Variants in IRAK1BP1 observed in about 807,000 individuals in gnomAD.
IRAK1BP1 encodes the protein interleukin-1 receptor-associated kinase 1-binding protein 1.
A neutral mutation model predicts 28.0 loss-of-function variants in IRAK1BP1; 24 were observed. The ratio of observed to expected loss-of-function variants is 0.86; its 90% CI spans 0.62 to 1.20. The LOEUF (loss-of-function observed/expected upper bound fraction) is 1.20, where lower values mean the gene tolerates loss of function less well. IRAK1BP1 is among the 50% of genes most tolerant of loss of function. IRAK1BP1 has a pLI of 0.00. For missense variants in IRAK1BP1, 336 were observed against 316.7 expected (o/e 1.06, Z -0.46); for synonymous variants, 131 against 116.3 (o/e 1.13, Z -0.81).
the IRAK1BP1 span, among the ~76,000 whole-genome samples, chr6:78,961,999 G>A: frequency 1.3e-5 from 2 of 152,014 alleles, no homozygotes; most frequent in African/African-American, 4.8e-5. Flanking sequence ...CATTTACACT[G>A]CCAAATTCTA....
intron 4 of IRAK1BP1, among the ~76,000 whole-genome samples, chr6:78,917,083 A>C (rs190058328): frequency 3.1e-4 from 47 of 152,296 alleles, no homozygotes; most frequent in African/African-American, 1.1e-3. Context: ...ACAAAATGGA[A>C]ACTCAGAAAT....
At chr6:78,903,363 C>T (rs1013268428), downstream of IRAK1BP1, among the ~76,000 whole-genome samples, 1 of 151,766 alleles carries the variant, frequency 6.6e-6, no homozygotes, top group Non-Finnish European at 1.5e-5. Context: ...TGGTGGCACA[C>T]GCCTGTAATC....
intron 2 of IRAK1BP1, 27 bp downstream of exon 2, chr6:78,885,470 CA>C (rs1287908467): frequency 1.2e-5 from 14 of 1,149,232 alleles, no homozygotes; most frequent in Non-Finnish European, 1.8e-5. Context: ...TAATTGGAAG[CA>C]GCATGATTTT....
At chr6:78,953,844 C>T in the IRAK1BP1 span, among the ~76,000 whole-genome samples, 32 of 152,042 alleles carry the variant, frequency 2.1e-4, 1 homozygote, top group Admixed American at 2.1e-3. Flanking sequence ...CCTTGGCTTC[C>T]CAAAGTGCTG....
chr6:78,958,575 C>T, the IRAK1BP1 span: 1 of 1,581,358 alleles, frequency 6.3e-7, no homozygotes, highest in Non-Finnish European at 8.7e-7. Context: ...ATATATCGAA[C>T]TTCCCACATT....
intron 2 of IRAK1BP1, among the ~76,000 whole-genome samples, chr6:78,886,919 G>A (rs56118785): frequency 0.064 from 9,674 of 152,104 alleles, 374 homozygotes; most frequent in African/African-American, 0.096. Flanking sequence ...TTTTGTATAG[G>A]GATTCCAGGT....
chr6:78,867,965 C>G, intron 1 of IRAK1BP1, 74 bp downstream of exon 1: 1 of 1,428,692 alleles, frequency 7.0e-7, no homozygotes. Flanking sequence ...GCCCCACAGG[C>G]CCCCCTAGCG....
intron 4 of IRAK1BP1, chr6:78,939,831 T>C (rs971223499): frequency 6.6e-6 from 1 of 152,428 alleles, no homozygotes; most frequent in Non-Finnish European, 1.5e-5. Context: ...TATTTTCTAT[T>C]AGTACCAAAA....
rs70977749 is a variant in IRAK1BP1 at position 78,870,109 on chromosome 6, C to CA, written c.315+2249dup. On this transcript the variant is annotated intron_variant, in intron 1 of 3. Coordinates refer to ENST00000369940, the MANE Select transcript of IRAK1BP1 (RefSeq NM_001010844.4). ...GGGCAACAAGAGTGAAACTCCGTCC[C>CA]AAAAAAAAAAAAAAAAAAAAAAAAA... 4.6e-3 allele frequency among the ~76,000 whole-genome samples: 192 copies of CA among 41,572 alleles called. 2 individuals are homozygous for CA. Among genetic ancestry groups the CA allele is most frequent in the Middle Eastern group, 0.024 (1 of 42 alleles). The allele number at this position is 41,572 out of a possible 152,430, so 27.3% of individuals were successfully genotyped here.
chr6:78,938,940 A>G (rs1380610135), intron 4 of IRAK1BP1: 2 of 151,732 alleles, frequency 1.3e-5, no homozygotes, highest in South Asian at 2.1e-4. Flanking sequence ...CCAAGGTTCA[A>G]TTGCAGACTT....
chr6:78,971,633 G>A, the IRAK1BP1 span, among the ~76,000 whole-genome samples: 1 of 152,160 alleles, frequency 6.6e-6, no homozygotes, highest in Non-Finnish European at 1.5e-5. Flanking sequence ...CATCTCACTA[G>A]GGAGTGCCAG....
At chr6:78,917,123 G>A (rs1449271245) in intron 4 of IRAK1BP1, among the ~76,000 whole-genome samples, 4 of 152,032 alleles carry the variant, frequency 2.6e-5, no homozygotes, top group Non-Finnish European at 5.9e-5. Flanking sequence ...GCATGGAATT[G>A]AAAGGAAACT....
intron 1 of IRAK1BP1, among the ~76,000 whole-genome samples, chr6:78,876,746 T>A (rs9343844): frequency 0.45 from 68,218 of 151,834 alleles, 15,981 homozygotes; most frequent in East Asian, 0.69. Context: ...CAGTTTGAGG[T>A]TCACAGGGAC....
At chr6:78,964,432 T>C in the IRAK1BP1 span, among the ~76,000 whole-genome samples, 2 of 152,190 alleles carry the variant, frequency 1.3e-5, no homozygotes, top group African/African-American at 4.8e-5. Context: ...TGTTAGAAAT[T>C]AGATGTTTTC....
the IRAK1BP1 span, chr6:78,963,181 G>T: frequency 1.9e-6 from 3 of 1,611,214 alleles, no homozygotes; most frequent in South Asian, 3.3e-5. Context: ...CCATCAAGAG[G>T]TTTATAGATT....
intron 4 of IRAK1BP1, among the ~76,000 whole-genome samples, chr6:78,931,507 C>T (rs1236757106): frequency 6.6e-6 from 1 of 151,992 alleles, no homozygotes; most frequent in Non-Finnish European, 1.5e-5. Flanking sequence ...TACAGGTATA[C>T]CGTGGAGATA....
chr6:78,927,466 T>C (rs1772921126), intron 4 of IRAK1BP1, among the ~76,000 whole-genome samples: 3 of 152,210 alleles, frequency 2.0e-5, no homozygotes, highest in Admixed American at 2.0e-4. Context: ...TTTACAAATA[T>C]GTTCTCCCAT....
At chr6:78,954,268 A>ATTTT in the IRAK1BP1 span, among the ~76,000 whole-genome samples, 4 of 147,048 alleles carry the variant, frequency 2.7e-5, no homozygotes, top group African/African-American at 7.5e-5. Flanking sequence ...CGCCTGGCTA[A>ATTTT]TTTTTTTTTT....
chr6:78,973,713 A>G, the IRAK1BP1 span, among the ~76,000 whole-genome samples: 2 of 151,826 alleles, frequency 1.3e-5, no homozygotes, highest in African/African-American at 4.8e-5. Flanking sequence ...ACAAAAAAAG[A>G]CAGGGGTTGC....
Sources: gnomAD v4.1 joint callset for allele counts (sites outside exome capture counted in the v4.1 genomes callset) on GRCh38, gnomAD v4.1.1 for gene constraint, MANE v1.5 for transcripts, NCBI Gene and HGNC (gene_info 2026-07-23, HGNC 2026-07-21) for gene names.